The following SEPTIN7 variants were observed in gnomAD, a reference collection of about 807,000 sequenced individuals.
SEPTIN7 encodes septin 7, also known as septin-7.
SEPTIN7 carries 10 observed loss-of-function variants against 63.3 expected under a neutral mutation model. The observed-to-expected ratio is 0.16, with a 90% CI of 0.10 to 0.27. The LOEUF is 0.27. Ranked by LOEUF, SEPTIN7 falls within the 10% of genes least tolerant of loss-of-function variation. SEPTIN7 has a pLI of 1.00. For missense variants in SEPTIN7, 310 were observed against 521.0 expected (o/e 0.59, Z 3.94); for synonymous variants, 131 against 165.3 (o/e 0.79, Z 1.59).
chr7:35,891,592 T>G (rs748946386), intron 11 of SEPTIN7, among the ~76,000 whole-genome samples: 1 of 152,172 alleles, frequency 6.6e-6, no homozygotes, highest in Non-Finnish European at 1.5e-5. Context: ...GGCACTTGGT[T>G]TGAATGGAGT....
At chr7:35,876,670 A>G (rs942039828) in intron 6 of SEPTIN7, among the ~76,000 whole-genome samples, 2 of 152,158 alleles carry the variant, frequency 1.3e-5, no homozygotes, top group Admixed American at 6.5e-5. Context: ...TCTACAAAAA[A>G]TTAAAAAGTT....
intron 3 of SEPTIN7, among the ~76,000 whole-genome samples, chr7:35,854,516 G>A (rs1785104807): frequency 6.6e-6 from 1 of 152,160 alleles, no homozygotes; most frequent in Admixed American, 6.5e-5. Context: ...TCACAATAAA[G>A]AATTATCCAA....
intron 3 of SEPTIN7, among the ~76,000 whole-genome samples, chr7:35,838,306 C>T (rs7807714): frequency 0.015 from 21 of 1,376 alleles, 1 homozygote; most frequent in Middle Eastern, 0.25. Flanking sequence ...CCTTCCTTCC[C>T]TCCCTCCCTC....
At chr7:35,816,500 C>G (rs1789077104) in intron 1 of SEPTIN7, among the ~76,000 whole-genome samples, 1 of 152,056 alleles carries the variant, frequency 6.6e-6, no homozygotes, top group Admixed American at 6.6e-5. Flanking sequence ...TTGTTTTCTA[C>G]TTTTTGACTA....
At chr7:35,896,090 T>C (rs1787946131) in intron 11 of SEPTIN7, among the ~76,000 whole-genome samples, 1 of 152,244 alleles carries the variant, frequency 6.6e-6, no homozygotes, top group South Asian at 2.1e-4. Context: ...ATTACAGGTG[T>C]GAACCACCGT....
At chr7:35,880,223 CTTTTTTTTTTTTTTT>C in intron 7 of SEPTIN7, among the ~76,000 whole-genome samples, 1 of 72,776 alleles carries the variant, frequency 1.4e-5, no homozygotes, top group African/African-American at 6.0e-5. Flanking sequence ...TTTTTCTTTT[CTTTTTTTTTTTTTTT>C]TTTTTGAATT....
chr7:35,864,648 T>G (rs1209861345), intron 4 of SEPTIN7, among the ~76,000 whole-genome samples: 4 of 139,824 alleles, frequency 2.9e-5, no homozygotes, highest in Admixed American at 7.0e-5. Flanking sequence ...TTCACCTTTT[T>G]CCTATTTTAA....
intron 1 of SEPTIN7, among the ~76,000 whole-genome samples, chr7:35,811,867 C>G (rs1030952327): frequency 6.6e-6 from 1 of 152,060 alleles, no homozygotes; most frequent in South Asian, 2.1e-4. Flanking sequence ...ACTAAAAATA[C>G]AAAAATTAGC....
At chr7:35,821,101 A>G (rs959003413) in intron 1 of SEPTIN7, among the ~76,000 whole-genome samples, 1 of 152,024 alleles carries the variant, frequency 6.6e-6, no homozygotes, top group Admixed American at 6.6e-5. Flanking sequence ...GCTGGTTTTT[A>G]CTGTGATTGT....
At chr7:35,879,645 C>A in intron 6 of SEPTIN7, 178 bp from the exon 7 acceptor site, 1 of 527,502 alleles carries the variant, frequency 1.9e-6, no homozygotes, top group Non-Finnish European at 3.5e-6. Context: ...AAGCCTTAGC[C>A]ACTCCAATGC....
Position 35,801,164 on chromosome 7 carries a change from C to G in SEPTIN7, c.-46C>G. ...ATCGGCGTAGGCGCCTTTGGAGAAT[C>G]GGCGGGCTGCGCTCCGCTGGGGCTG... is the stretch of plus-strand genomic sequence containing the variant. On this transcript the variant is annotated 5_prime_UTR_variant, in exon 1 of 14. In the 5' UTR this introduces an upstream ATG that the reference lacks. Coordinates refer to ENST00000350320, the MANE Select transcript of SEPTIN7 (RefSeq NM_001788.6). 6.9e-7 allele frequency: 1 copy of G among 1,445,010 alleles called. No individual in the cohort carries two copies. The highest frequency in any genetic ancestry group is 9.2e-7 in the Non-Finnish European group (1 of 1,090,250). The allele number at this position is 1,445,010 out of a possible 1,614,324, so 89.5% of individuals were successfully genotyped here. A position where few individuals can be genotyped will look rare whatever the true frequency, so the allele number is the denominator to read the frequency against.
At chr7:35,841,634 A>T (rs1250631069) in intron 3 of SEPTIN7, among the ~76,000 whole-genome samples, 1 of 152,214 alleles carries the variant, frequency 6.6e-6, no homozygotes, top group Non-Finnish European at 1.5e-5. Context: ...AAATGGTATC[A>T]CATTTGTTAA....
Position 35,830,528 on chromosome 7 carries a change from C to A in SEPTIN7, c.62-964C>A, listed in dbSNP as rs568155919. Among the ~76,000 whole-genome samples the A allele has an allele frequency of 1.4e-4, 21 of 152,288 alleles. No individual in the cohort carries two copies. In the South Asian group the frequency reaches 1.5e-3, roughly 11 times the overall value. ...AGCTCCCCCAAGTGATTCTAAGATG[C>A]TGCTAAGGTAGAGAAACACTGTAGG... On this transcript the variant is annotated intron_variant, in intron 1 of 13. Coordinates refer to ENST00000350320, the MANE Select transcript of SEPTIN7 (RefSeq NM_001788.6).
Position 35,801,220 on chromosome 7 carries a change from G to C in SEPTIN7, c.11G>C (p.Ser4Thr), listed in dbSNP as rs1282514727. Residue 4 changes from serine to threonine, a missense_variant, in exon 1 of 14, where the codon AGT becomes ACT. Physicochemically the swap from Ser to Thr is moderately conservative, Grantham distance 58. This residue lies in a region of SEPTIN7 where 55 missense variants were observed against 30.5 expected (regional missense o/e 1.80). Coordinates refer to ENST00000350320, the MANE Select transcript of SEPTIN7 (RefSeq NM_001788.6). Reference sequence around the variant, plus strand: ...GGAGGGGGGGAGGGGATGTCGGTCAGTGCGAGATCCGCTGCTGCTGAGGAG... The same window carrying C: ...GGAGGGGGGGAGGGGATGTCGGTCACTGCGAGATCCGCTGCTGCTGAGGAG... MSV[S>T]ARSAAAEERS... The C allele has an allele frequency of 1.3e-6, 2 of 1,532,912 alleles. No homozygotes were observed. The highest frequency in any genetic ancestry group is 1.8e-6 in the Non-Finnish European group (2 of 1,140,426). The allele number at this position is 1,532,912 out of a possible 1,614,324, so 95.0% of individuals were successfully genotyped here.
At chr7:35,876,206 G>C (rs1134100) in intron 6 of SEPTIN7, among the ~76,000 whole-genome samples, 2 of 151,986 alleles carry the variant, frequency 1.3e-5, no homozygotes, top group African/African-American at 4.8e-5. Flanking sequence ...TTTCTTTCTA[G>C]AAGTTGGGAT....
At chr7:35,876,773 A>G (rs1786498030) in intron 6 of SEPTIN7, among the ~76,000 whole-genome samples, 1 of 152,162 alleles carries the variant, frequency 6.6e-6, no homozygotes, top group Non-Finnish European at 1.5e-5. Flanking sequence ...GTTCAAGACC[A>G]GCCTGGCCAA....
At chr7:35,801,886 C>T (rs1359601429) in intron 1 of SEPTIN7, among the ~76,000 whole-genome samples, 1 of 152,136 alleles carries the variant, frequency 6.6e-6, no homozygotes, top group Non-Finnish European at 1.5e-5. Context: ...CGTCGCCTCC[C>T]CGCTCCTCCT....
chr7:35,864,249 C>T (rs1440578284), intron 4 of SEPTIN7, among the ~76,000 whole-genome samples: 2 of 152,038 alleles, frequency 1.3e-5, no homozygotes, highest in South Asian at 2.1e-4. Flanking sequence ...ATCTGATTTA[C>T]TAGTTCTCAG....
intron 3 of SEPTIN7, among the ~76,000 whole-genome samples, chr7:35,855,383 A>G (rs953996279): frequency 6.6e-6 from 1 of 152,206 alleles, no homozygotes; most frequent in African/African-American, 2.4e-5. Flanking sequence ...ATGCTTCTGT[A>G]ATGTACATTT....
Sources: gnomAD v4.1 joint callset for allele counts (sites outside exome capture counted in the v4.1 genomes callset) on GRCh38, gnomAD v4.1.1 for gene constraint, gnomAD v4.1.1 regional missense constraint, MANE v1.5 for transcripts, NCBI Gene and HGNC (gene_info 2026-07-23, HGNC 2026-07-21) for gene names.